NELL1: variants seen among roughly 807,000 people sequenced by gnomAD.
The protein encoded by NELL1 is protein kinase C-binding protein NELL1.
NELL1 carries 76 observed loss-of-function variants against 107.4 expected under a neutral mutation model. That is an observed-to-expected ratio of 0.71 (90% confidence interval 0.59 to 0.86). The LOEUF (loss-of-function observed/expected upper bound fraction) is 0.86. Among genes scored for constraint, NELL1 ranks in the 40% least tolerant of loss-of-function variants. The pLI is 0.00. For synonymous variants in NELL1, 353 were observed against 341.2 expected (o/e 1.03, Z -0.38); for missense variants, 1,024 against 1,005.5 (o/e 1.02, Z -0.25).
chr11:21,103,694 G>A (rs1321216553), intron 12 of NELL1, among the ~76,000 whole-genome samples: 1 of 152,158 alleles, frequency 6.6e-6, no homozygotes, highest in Admixed American at 6.5e-5. Flanking sequence ...ACTCTTGACT[G>A]AATTTTCTTT....
chr11:21,223,943 C>A (rs1327766094), intron 13 of NELL1, among the ~76,000 whole-genome samples: 1 of 152,108 alleles, frequency 6.6e-6, no homozygotes, highest in African/African-American at 2.4e-5. Flanking sequence ...GTATAGGTTT[C>A]TTTGGTGGCA....
At chr11:21,075,226 CT>C (rs1461712668) in intron 12 of NELL1, among the ~76,000 whole-genome samples, 1 of 152,094 alleles carries the variant, frequency 6.6e-6, no homozygotes, top group East Asian at 1.9e-4. Context: ...AATTTAGTAC[CT>C]TTTAAATCTG....
intron 12 of NELL1, among the ~76,000 whole-genome samples, chr11:21,021,348 G>C (rs906308541): frequency 6.6e-6 from 1 of 152,096 alleles, no homozygotes; most frequent in South Asian, 2.1e-4. Context: ...GTTTATCTGC[G>C]AGTGTGAAAA....
chr11:21,108,303 C>G (rs1269003639), intron 12 of NELL1, among the ~76,000 whole-genome samples: 2 of 152,144 alleles, frequency 1.3e-5, no homozygotes, highest in Non-Finnish European at 2.9e-5. Flanking sequence ...AAATTTGAGT[C>G]TGTGTTTGTT....
intron 14 of NELL1, among the ~76,000 whole-genome samples, chr11:21,348,511 A>G (rs184478850): frequency 2.6e-4 from 40 of 152,316 alleles, no homozygotes; most frequent in Middle Eastern, 3.4e-3. Context: ...TATAAATTTG[A>G]TAAGATATTT....
chr11:21,055,368 A>T (rs1368222411), intron 12 of NELL1, among the ~76,000 whole-genome samples: 1 of 152,198 alleles, frequency 6.6e-6, no homozygotes, highest in East Asian at 1.9e-4. Context: ...AATTTCAAAT[A>T]TACATTTTAA....
intron 13 of NELL1, among the ~76,000 whole-genome samples, chr11:21,148,474 C>T (rs61507116): frequency 2.3e-3 from 343 of 152,224 alleles, no homozygotes; most frequent in African/African-American, 7.8e-3. Context: ...AAGGAAAGGA[C>T]GAGACTGATG....
chr11:21,163,821 A>T (rs1856424283), intron 13 of NELL1, among the ~76,000 whole-genome samples: 1 of 151,992 alleles, frequency 6.6e-6, no homozygotes, highest in Admixed American at 6.6e-5. Context: ...TCTCGACCTC[A>T]TCTAAACCTA....
intron 16 of NELL1, among the ~76,000 whole-genome samples, chr11:21,540,341 A>G (rs1045551174): frequency 6.6e-6 from 1 of 152,056 alleles, no homozygotes; most frequent in Non-Finnish European, 1.5e-5. Flanking sequence ...CTCATTCCCC[A>G]ACCTGCACAC....
chr11:21,340,900 T>A (rs1850548844), intron 14 of NELL1, among the ~76,000 whole-genome samples: 1 of 152,154 alleles, frequency 6.6e-6, no homozygotes, highest in African/African-American at 2.4e-5. Flanking sequence ...AAATTTGTGG[T>A]ACTTTGTTAT....
chr11:20,989,245 GT>G (rs1210632932), intron 12 of NELL1, among the ~76,000 whole-genome samples: 2 of 152,190 alleles, frequency 1.3e-5, no homozygotes, highest in African/African-American at 4.8e-5. Flanking sequence ...GAGGCTTGGG[GT>G]TCTCTGAATA....
intron 3 of NELL1, among the ~76,000 whole-genome samples, chr11:20,815,370 G>A (rs938319962): frequency 6.6e-6 from 1 of 152,134 alleles, no homozygotes; most frequent in African/African-American, 2.4e-5. Flanking sequence ...ACAAGCATAA[G>A]CCACCGTGCC....
At chr11:20,980,482 G>A (rs1430392884) in intron 12 of NELL1, among the ~76,000 whole-genome samples, 1 of 152,124 alleles carries the variant, frequency 6.6e-6, no homozygotes, top group African/African-American at 2.4e-5. Flanking sequence ...GACCTCTTCT[G>A]GACCTAGAGT....
chr11:20,686,765 T>G (rs1854315247), intron 2 of NELL1, among the ~76,000 whole-genome samples: 1 of 152,134 alleles, frequency 6.6e-6, no homozygotes, highest in South Asian at 2.1e-4. Context: ...AGGAGGAAGC[T>G]TTAGGCTAAA....
At chr11:20,785,881 T>C (rs937390345) in intron 3 of NELL1, among the ~76,000 whole-genome samples, 3 of 137,522 alleles carry the variant, frequency 2.2e-5, no homozygotes, top group Admixed American at 1.4e-4. Context: ...GTTTCTCTTT[T>C]GGATTTTTTT....
intron 14 of NELL1, among the ~76,000 whole-genome samples, chr11:21,335,061 G>C (rs1021526679): frequency 6.6e-6 from 1 of 151,738 alleles, no homozygotes; most frequent in African/African-American, 2.4e-5. Context: ...TCCAAAAGTG[G>C]AATCAAATTC....
At chr11:20,856,507 T>C (rs1209321608) in intron 4 of NELL1, among the ~76,000 whole-genome samples, 1 of 152,234 alleles carries the variant, frequency 6.6e-6, no homozygotes, top group Non-Finnish European at 1.5e-5. Flanking sequence ...GCTGGCTTCT[T>C]TGGGACACCT....
intron 15 of NELL1, among the ~76,000 whole-genome samples, chr11:21,473,493 C>A (rs943728732): frequency 6.6e-6 from 1 of 151,900 alleles, no homozygotes; most frequent in African/African-American, 2.4e-5. Context: ...CATATTTTAA[C>A]GAGGAGTTTC....
intron 15 of NELL1, among the ~76,000 whole-genome samples, chr11:21,476,622 AC>A: frequency 6.6e-6 from 1 of 152,270 alleles, no homozygotes; most frequent in East Asian, 1.9e-4. Context: ...CTTCATAAGA[AC>A]CAAAAATCAC....
Sources: allele counts gnomAD v4.1 joint callset (sites outside exome capture counted in the v4.1 genomes callset), GRCh38; gene constraint gnomAD v4.1.1; transcripts MANE v1.5; gene names NCBI Gene and HGNC (gene_info 2026-07-23, HGNC 2026-07-21).